Variants in SGPP2 observed in about 807,000 individuals in gnomAD.
The protein encoded by SGPP2 is sphingosine 1-phosphate phosphohydrolase 2.
SGPP2 carries 30 observed loss-of-function variants against 33.9 expected under a neutral mutation model. The observed-to-expected ratio is 0.89, with a 90% CI of 0.66 to 1.20. The LOEUF is 1.20. Among genes scored for constraint, SGPP2 ranks in the 50% most tolerant of loss-of-function variants. SGPP2 has a pLI of 0.00. For missense variants in SGPP2, 458 were observed against 532.1 expected, an observed-to-expected ratio of 0.86 and a Z score of 1.37; for synonymous variants, 233 against 225.0, an observed-to-expected ratio of 1.04 and a Z score of -0.32.
intron 4 of SGPP2, among the ~76,000 whole-genome samples, chr2:222,544,907 T>C (rs1253063936): frequency 2.0e-5 from 3 of 152,188 alleles, no homozygotes; most frequent in Non-Finnish European, 4.4e-5. Context: ...GCACTTTTAA[T>C]AGTGGGCCTG....
intron 1 of SGPP2, among the ~76,000 whole-genome samples, chr2:222,466,112 A>T (rs1245363124): frequency 6.6e-6 from 1 of 152,144 alleles, no homozygotes; most frequent in Non-Finnish European, 1.5e-5. Context: ...TGAGGAACAT[A>T]GTGAGACCAT....
At chr2:222,526,186 A>T (rs1437365516) in intron 4 of SGPP2, among the ~76,000 whole-genome samples, 1 of 150,236 alleles carries the variant, frequency 6.7e-6, no homozygotes, top group African/African-American at 2.4e-5. Flanking sequence ...AAAAATCAAA[A>T]TTCATGCTAC....
intron 1 of SGPP2, among the ~76,000 whole-genome samples, chr2:222,426,788 A>T (rs2106052178): frequency 6.6e-6 from 1 of 152,356 alleles, no homozygotes; most frequent in Admixed American, 6.5e-5. Context: ...TTAATCCTTT[A>T]CATACACACA....
At chr2:222,553,528 C>A (rs901705624) in intron 4 of SGPP2, among the ~76,000 whole-genome samples, 13 of 152,260 alleles carry the variant, frequency 8.5e-5, no homozygotes, top group African/African-American at 3.1e-4. Context: ...TCCTGGGCCA[C>A]GCTTCTGATC....
Position 222,465,699 on chromosome 2 carries a change from C to T in SGPP2, c.220-8869C>T, listed in dbSNP as rs1354024522. 6.6e-6 allele frequency among the ~76,000 whole-genome samples: 1 copy of T among 152,236 alleles called. No individual in the cohort carries two copies. Among genetic ancestry groups the T allele is most frequent in the Non-Finnish European group, 1.5e-5 (1 of 68,042 alleles). On this transcript the variant is annotated intron_variant, in intron 1 of 4. Coordinates refer to ENST00000321276, the MANE Select transcript of SGPP2 (RefSeq NM_152386.4). This position sits in a 1 kb window ranked among gnomAD's most constrained non-coding sequence, Gnocchi z 4.1. ...AGTTGTGCTCCCATTTAAAACCCTC[C>T]CATGGCTTTCTGCTCCTTCCAGCCT...
Position 222,558,475 on chromosome 2 carries a change from C to T in SGPP2, c.777C>T (p.Phe259=). 1.2e-6 allele frequency: 2 copies of T among 1,614,194 alleles called. No homozygotes were observed. Among genetic ancestry groups the T allele is most frequent in the Non-Finnish European group, 1.7e-6 (2 of 1,180,034 alleles). The part of the protein sequence containing the change: ...FPVCVIVVPF[F]LCYNYPVSDY... ...TGTGTGTCATAGTTGTGCCATTCTT[C>T]CTGTGTTACAATTACCCTGTTTCTG... The change falls in exon 5 of 5, where the codon TTC becomes TTT. Residue 259 remains phenylalanine, a synonymous_variant. Coordinates refer to ENST00000321276, the MANE Select transcript of SGPP2 (RefSeq NM_152386.4).
rs183684094 is a variant in SGPP2, at chr2:222,448,590, G to A, written c.219+23769G>A. 1.7e-3 allele frequency among the ~76,000 whole-genome samples: 260 copies of A among 152,300 alleles called. 2 individuals carry two copies. Among genetic ancestry groups the A allele is most frequent in the Middle Eastern group, 0.017 (5 of 294 alleles). Reference sequence around the variant, plus strand: ...TGGGAGCACAGGAAATGCTTAATAAGCGCTGTGTTGTTTTTGTTGGTAGCA... The same window carrying A: ...TGGGAGCACAGGAAATGCTTAATAAACGCTGTGTTGTTTTTGTTGGTAGCA... On this transcript the variant is annotated intron_variant, in intron 1 of 4. Coordinates refer to ENST00000321276, the MANE Select transcript of SGPP2 (RefSeq NM_152386.4).
chr2:222,476,363 G>C lies in SGPP2; in HGVS notation c.378+1637G>C, dbSNP rs572911159. ...AAATTCTTCACCAGGTGGTGACAGA[G>C]GGACTAGGGAGCAACTGCCCCTGGC... On this transcript the variant is annotated intron_variant, in intron 2 of 4. Transcript: ENST00000321276. The surrounding 1 kb of genome is among the most constrained non-coding windows in gnomAD (Gnocchi z 4.3). Among the ~76,000 whole-genome samples, 34 of 152,260 alleles carry C rather than the reference G, an allele frequency of 2.2e-4. No homozygotes were observed. Among genetic ancestry groups the C allele is most frequent in the African/African-American group, 6.3e-4 (26 of 41,518 alleles).
At chr2:222,499,496 T>A (rs1410355265) in intron 2 of SGPP2, among the ~76,000 whole-genome samples, 1 of 151,890 alleles carries the variant, frequency 6.6e-6, no homozygotes. Flanking sequence ...AGAAGGAGAG[T>A]CATCTAACCC....
chr2:222,540,556 A>G (rs1698976311), intron 4 of SGPP2, among the ~76,000 whole-genome samples: 1 of 152,178 alleles, frequency 6.6e-6, no homozygotes, highest in Non-Finnish European at 1.5e-5. Context: ...TCGCCTTTGT[A>G]TACATTCTCC....
chr2:222,555,784 C>G (rs1482031267), intron 4 of SGPP2, among the ~76,000 whole-genome samples: 2 of 152,108 alleles, frequency 1.3e-5, no homozygotes, highest in African/African-American at 4.8e-5. Flanking sequence ...TTCAGGGTAA[C>G]ATTAATAAAA....
chr2:222,558,858 C>T lies in SGPP2; in HGVS notation c.1160C>T (p.Thr387Ile). 6.2e-7 allele frequency: 1 copy of T among 1,611,368 alleles called. No individual in the cohort carries two copies. Among genetic ancestry groups the T allele is most frequent in the Non-Finnish European group, 8.5e-7 (1 of 1,177,656 alleles). The change falls in exon 5 of 5, where the codon ACC becomes ATC. Residue 387 changes from threonine to isoleucine, a missense_variant. Physicochemically the swap from Thr to Ile is moderately conservative, Grantham distance 89. Coordinates refer to ENST00000321276, the MANE Select transcript of SGPP2 (RefSeq NM_152386.4). ...ACATCTGTTGGCATCTGCGCTACAA[C>T]CTTTGTGCCGATGCTTCACAGGTTT... ...TYTSVGICAT[T>I]FVPMLHRFLG...
Position 222,452,906 on chromosome 2 carries a change from G to T in SGPP2, c.220-21662G>T, listed in dbSNP as rs562355681. ...AGGTCTTCACCTGTTTGTAGCTAAG[G>T]TTCAGGATATTGGAAAGTTCTTGCA... On this transcript the variant is annotated intron_variant, in intron 1 of 4. Transcript: ENST00000321276. 23 of 1,596,124 alleles carry T rather than the reference G, an allele frequency of 1.4e-5. No homozygotes were observed. In the African/African-American group the frequency reaches 3.1e-4, roughly 21 times the overall value.
intron 2 of SGPP2, among the ~76,000 whole-genome samples, chr2:222,486,560 A>G (rs1360982709): frequency 6.6e-6 from 1 of 152,192 alleles, no homozygotes; most frequent in Admixed American, 6.5e-5. Flanking sequence ...AACTTTCAAG[A>G]TATTCACTCT....
chr2:222,524,641 C>G (rs1416516349), intron 3 of SGPP2, among the ~76,000 whole-genome samples: 1 of 152,194 alleles, frequency 6.6e-6, no homozygotes. Context: ...ATTCATTTCA[C>G]TAAAACTGCC....
chr2:222,474,803 A>T, intron 2 of SGPP2, 77 bp downstream of exon 2: 1 of 1,213,768 alleles, frequency 8.2e-7, no homozygotes, highest in East Asian at 2.6e-5. Flanking sequence ...TACTTTGCAA[A>T]TATGTTCTTT....
At chr2:222,494,000 A>G (rs1466639031) in intron 2 of SGPP2, among the ~76,000 whole-genome samples, 3 of 152,226 alleles carry the variant, frequency 2.0e-5, no homozygotes, top group African/African-American at 7.2e-5. Flanking sequence ...TTTATAAAAG[A>G]ACAACCTGAT....
chr2:222,491,911 A>G (rs1698203014), intron 2 of SGPP2, among the ~76,000 whole-genome samples: 1 of 152,216 alleles, frequency 6.6e-6, no homozygotes, highest in South Asian at 2.1e-4. Context: ...GGGTAAATAC[A>G]TTCATTCCAA....
At chr2:222,458,527 C>G (rs145481880) in intron 1 of SGPP2, among the ~76,000 whole-genome samples, 108 of 152,266 alleles carry the variant, frequency 7.1e-4, no homozygotes, top group Non-Finnish European at 5.6e-4. Context: ...GATGAGATGG[C>G]CTTTAATGCA....
Sources: allele counts gnomAD v4.1 joint callset (sites outside exome capture counted in the v4.1 genomes callset), GRCh38; gene constraint gnomAD v4.1.1; non-coding constraint Gnocchi (gnomAD v3.1); transcripts MANE v1.5; gene names NCBI Gene and HGNC (gene_info 2026-07-23, HGNC 2026-07-21).